Variants in TDRD7 observed in about 807,000 individuals in gnomAD.
The protein encoded by TDRD7 is tudor domain containing 7, also known as tudor domain-containing protein 7.
Under a neutral mutation model 109.8 loss-of-function variants are expected in TDRD7, and 47 were observed. The ratio of observed to expected loss-of-function variants is 0.43; its 90% CI spans 0.34 to 0.55. The LOEUF (loss-of-function observed/expected upper bound fraction) is 0.55, where lower values mean the gene tolerates loss of function less well. Ranked by LOEUF, TDRD7 falls within the 20% of genes least tolerant of loss-of-function variation. The pLI is 0.03. For missense variants in TDRD7, 1,164 were observed against 1,319.2 expected (o/e 0.88, Z 1.82); for synonymous variants, 424 against 457.3 (o/e 0.93, Z 0.93).
intron 6 of TDRD7, among the ~76,000 whole-genome samples, chr9:97,458,408 G>A (rs997017411): frequency 6.6e-5 from 10 of 152,166 alleles, no homozygotes; most frequent in Non-Finnish European, 1.3e-4. Context: ...AAAGCACAGC[G>A]AAGATTGGCA....
chr9:97,443,033 G>C (rs895014909), intron 6 of TDRD7, among the ~76,000 whole-genome samples: 8 of 152,094 alleles, frequency 5.3e-5, no homozygotes, highest in Admixed American at 3.3e-4. Context: ...CCTGACCTCA[G>C]GTGATCCGCC....
intron 9 of TDRD7, among the ~76,000 whole-genome samples, chr9:97,471,040 T>G (rs4743101): frequency 0.54 from 81,368 of 151,844 alleles, 22,036 homozygotes; most frequent in African/African-American, 0.61. Context: ...CACTGAGATG[T>G]ACTGTGGTGA....
At chr9:97,471,290 A>C (rs1345326611) in intron 9 of TDRD7, among the ~76,000 whole-genome samples, 4 of 152,226 alleles carry the variant, frequency 2.6e-5, no homozygotes, top group Non-Finnish European at 4.4e-5. Flanking sequence ...GGGGGACTTG[A>C]GCCAAATGCA....
At chr9:97,487,972 T>C (rs1456033610) in intron 16 of TDRD7, among the ~76,000 whole-genome samples, 1 of 152,190 alleles carries the variant, frequency 6.6e-6, no homozygotes, top group African/African-American at 2.4e-5. Context: ...GCAGCACAAC[T>C]AACAGCATAC....
In TDRD7 at chr9:97,495,715, T is replaced by A. The variant is rs371279564; in HGVS notation, c.3129T>A (p.His1043Gln). 1.9e-6 allele frequency: 3 copies of A among 1,614,098 alleles called. No homozygotes were observed. Among genetic ancestry groups the A allele is most frequent in the Middle Eastern group, 1.6e-4 (1 of 6,082 alleles). The change falls in exon 17 of 17, where the codon CAT (histidine) becomes CAA (glutamine). Residue 1043 changes from histidine (H) to glutamine (Q), a missense_variant. Coordinates refer to ENST00000355295, the MANE Select transcript of TDRD7 (RefSeq NM_014290.3). ...SEEASMVFRN[H>Q]VEKKPLVALV... ...AGGCTTCTATGGTGTTTCGAAATCATGTGGAGAAGAAACCTCTGGTGGCAC... is the reference window on the plus strand; with the variant it reads ...AGGCTTCTATGGTGTTTCGAAATCAAGTGGAGAAGAAACCTCTGGTGGCAC...
At chr9:97,494,713 T>TATATATATATATA (rs1491205980) in intron 16 of TDRD7, among the ~76,000 whole-genome samples, 9 of 77,054 alleles carry the variant, frequency 1.2e-4, no homozygotes, top group Non-Finnish European at 2.3e-4. Context: ...TATATATATA[T>TATATATATATATA]TTTTTTTTTT....
At chr9:97,457,893 A>G (rs1177777632) in intron 6 of TDRD7, among the ~76,000 whole-genome samples, 2 of 152,168 alleles carry the variant, frequency 1.3e-5, no homozygotes, top group Non-Finnish European at 2.9e-5. Flanking sequence ...TGGAAAACCA[A>G]ACGCCACATG....
intron 7 of TDRD7, among the ~76,000 whole-genome samples, chr9:97,463,897 T>A (rs1376985049): frequency 6.6e-6 from 1 of 152,188 alleles, no homozygotes; most frequent in African/African-American, 2.4e-5. Context: ...TGGTACCTCT[T>A]TTAAGGGTAT....
chr9:97,431,950 G>A lies in TDRD7; in HGVS notation c.350-75G>A, dbSNP rs1325001922. 11 of 1,323,470 alleles carry A rather than the reference G, an allele frequency of 8.3e-6. No homozygotes were observed. In the Admixed American group the frequency reaches 1.5e-4, roughly 18 times the overall value. 82.0% of individuals were successfully genotyped at this position (1,323,470 alleles called of 1,614,324 possible). ...GAATAGACACCCACAGAAAACATCT[G>A]GTCAGGGGAGTGTCATAATGAAAGT... On this transcript the variant is annotated intron_variant, in intron 3 of 16. Coordinates refer to ENST00000355295, the MANE Select transcript of TDRD7 (RefSeq NM_014290.3).
chr9:97,487,818 T>C (rs1014639376), intron 16 of TDRD7, among the ~76,000 whole-genome samples: 2 of 152,194 alleles, frequency 1.3e-5, no homozygotes, highest in Non-Finnish European at 2.9e-5. Context: ...AAACAACCTA[T>C]TATAATAACC....
At position 97,460,721 on chromosome 9, in the gene TDRD7, G is replaced by T. The variant is rs1564206353; in HGVS notation, c.1399G>T (p.Val467Leu). Residue 467 changes from valine (V) to leucine (L), a missense_variant, in exon 7 of 17, where the codon GTA (valine) becomes TTA (leucine). Physicochemically the swap from Val to Leu is conservative, Grantham distance 32 (BLOSUM62 1). Transcript: ENST00000355295. ...GATTCCAACTGAAGCATCACCATCT[G>T]TATTGGTGGTTGAACTGAGCAACAC... ...LMIPTEASPS[V>L]LVVELSNTNE... 1 of 1,614,162 alleles carries T rather than the reference G, an allele frequency of 6.2e-7. No individual in the cohort carries two copies. The highest frequency in any genetic ancestry group is 8.5e-7 in the Non-Finnish European group (1 of 1,180,010).
At chr9:97,484,677 T>TA (rs928649472) in intron 15 of TDRD7, among the ~76,000 whole-genome samples, 1 of 152,254 alleles carries the variant, frequency 6.6e-6, no homozygotes, top group Non-Finnish European at 1.5e-5. Context: ...TTGTATGTCA[T>TA]AAGCTTTTCT....
At chr9:97,477,284 C>G (rs1021102092) in intron 12 of TDRD7, among the ~76,000 whole-genome samples, 15 of 152,158 alleles carry the variant, frequency 9.9e-5, no homozygotes, top group African/African-American at 3.1e-4. Flanking sequence ...ATCCACAGAA[C>G]ATACATTTCC....
At position 97,437,485 on chromosome 9, in the gene TDRD7, C is replaced by A. The variant is rs550436415; in HGVS notation, c.564-1760C>A. ...CTAGCAAAGTTGAAATTAGAATCTTCTGTAATCTAGTTATTTGTGATCCCT... is the reference window on the plus strand; with the variant it reads ...CTAGCAAAGTTGAAATTAGAATCTTATGTAATCTAGTTATTTGTGATCCCT... On this transcript the variant is annotated intron_variant, in intron 4 of 16. Coordinates refer to ENST00000355295, the MANE Select transcript of TDRD7 (RefSeq NM_014290.3). 1.1e-3 allele frequency among the ~76,000 whole-genome samples: 163 copies of A among 152,282 alleles called. 1 individual carries two copies. Among genetic ancestry groups the A allele is most frequent in the African/African-American group, 3.8e-3 (156 of 41,564 alleles).
intron 8 of TDRD7, among the ~76,000 whole-genome samples, chr9:97,469,598 C>T (rs1356025599): frequency 6.6e-6 from 1 of 152,186 alleles, no homozygotes; most frequent in Non-Finnish European, 1.5e-5. Context: ...AAGGCCAAGA[C>T]TTTGCCCTGG....
chr9:97,418,045 A>G (rs1827838760), intron 1 of TDRD7, among the ~76,000 whole-genome samples: 1 of 152,154 alleles, frequency 6.6e-6, no homozygotes, highest in Non-Finnish European at 1.5e-5. Flanking sequence ...GAATTGCTTC[A>G]ACCTAGGAGG....
chr9:97,483,473 A>C (rs2131178282), intron 15 of TDRD7, 122 bp downstream of exon 15: 1 of 1,201,312 alleles, frequency 8.3e-7, no homozygotes, highest in East Asian at 2.6e-5. Context: ...ATGTGAAACA[A>C]ACACAGTAAT....
chr9:97,427,236 C>T (rs1237894288), intron 1 of TDRD7, among the ~76,000 whole-genome samples: 1 of 152,062 alleles, frequency 6.6e-6, no homozygotes, highest in Non-Finnish European at 1.5e-5. Flanking sequence ...AATGTATCTC[C>T]TGAATTTGTC....
chr9:97,445,270 C>T (rs1468665758), intron 6 of TDRD7, among the ~76,000 whole-genome samples: 1 of 129,984 alleles, frequency 7.7e-6, no homozygotes, highest in Non-Finnish European at 1.6e-5. Context: ...ATAGTGCTCT[C>T]GTTTAACTGT....
Sources: allele counts gnomAD v4.1 joint callset (sites outside exome capture counted in the v4.1 genomes callset), GRCh38; gene constraint gnomAD v4.1.1; transcripts MANE v1.5; gene names NCBI Gene and HGNC (gene_info 2026-07-23, HGNC 2026-07-21).